Variants in EFNA5 observed in about 807,000 individuals in gnomAD.
EFNA5 encodes the protein ephrin-A5.
EFNA5 carries 5 observed loss-of-function variants against 22.9 expected under a neutral mutation model. The ratio of observed to expected loss-of-function variants is 0.22; its 90% confidence interval spans 0.11 to 0.46. The LOEUF (loss-of-function observed/expected upper bound fraction) is 0.46, where lower values mean the gene tolerates loss of function less well. Ranked by LOEUF, EFNA5 falls within the 20% of genes least tolerant of loss-of-function variation. EFNA5 has a pLI of 0.99. For synonymous variants in EFNA5, 113 were observed against 112.2 expected (o/e 1.01, Z -0.04); for missense variants, 237 against 293.3 (o/e 0.81, Z 1.40).
chr5:107,550,343 T>C (rs1222739271), intron 1 of EFNA5, among the ~76,000 whole-genome samples: 1 of 152,238 alleles, frequency 6.6e-6, no homozygotes, highest in East Asian at 1.9e-4. Context: ...TTGTCATTGA[T>C]ATAATCAATA....
chr5:107,465,502 C>A (rs904837852), intron 1 of EFNA5, among the ~76,000 whole-genome samples: 1 of 152,140 alleles, frequency 6.6e-6, no homozygotes, highest in Admixed American at 6.6e-5. Context: ...GGCTTTGCCT[C>A]TTAAAGCATG....
chr5:107,572,395 A>C (rs1272562527), intron 1 of EFNA5, among the ~76,000 whole-genome samples: 3 of 152,186 alleles, frequency 2.0e-5, no homozygotes, highest in Non-Finnish European at 4.4e-5. Context: ...CTCTGCAGTC[A>C]GATAAAATCC....
At chr5:107,607,630 G>C (rs1749751520) in intron 1 of EFNA5, among the ~76,000 whole-genome samples, 2 of 152,130 alleles carry the variant, frequency 1.3e-5, no homozygotes. Context: ...AGCTGAACTT[G>C]TATCTTTTCA....
chr5:107,538,320 C>T (rs1747968119), intron 1 of EFNA5, among the ~76,000 whole-genome samples: 1 of 152,170 alleles, frequency 6.6e-6, no homozygotes, highest in Admixed American at 6.5e-5. Flanking sequence ...TACTGAGGTA[C>T]TTACTGATGT....
At chr5:107,585,481 G>C (rs1442692373) in intron 1 of EFNA5, among the ~76,000 whole-genome samples, 1 of 152,184 alleles carries the variant, frequency 6.6e-6, no homozygotes, top group Admixed American at 6.5e-5. Flanking sequence ...CTCAGTGACA[G>C]TACTGATAAA....
intron 1 of EFNA5, among the ~76,000 whole-genome samples, chr5:107,598,167 C>T (rs1326334899): frequency 6.6e-6 from 1 of 152,100 alleles, no homozygotes; most frequent in East Asian, 1.9e-4. Context: ...ATGATAGGTG[C>T]TTCACATTCC....
chr5:107,665,810 C>T (rs778495503), intron 1 of EFNA5, among the ~76,000 whole-genome samples: 5 of 152,114 alleles, frequency 3.3e-5, no homozygotes, highest in African/African-American at 7.2e-5. Context: ...TTCTCTTTTA[C>T]AAATTTCTAG....
chr5:107,395,034 C>CTTTAGTTCTTTTTTTTTTTTTTT (rs1747883567), intron 2 of EFNA5, among the ~76,000 whole-genome samples: 1 of 86,142 alleles, frequency 1.2e-5, no homozygotes, highest in Non-Finnish European at 2.2e-5. Flanking sequence ...ATTTCTAGTT[C>CTTTAGTTCTTTTTTTTTTTTTTT]TTTTTTTTTT....
At chr5:107,526,544 C>CTGCCTTTCTAGAAATCATCTTTATATG (rs1747698857) in intron 1 of EFNA5, among the ~76,000 whole-genome samples, 1 of 152,212 alleles carries the variant, frequency 6.6e-6, no homozygotes, top group Non-Finnish European at 1.5e-5. Flanking sequence ...TATATGAGTT[C>CTGCCTTTCTAGAAATCATCTTTATATG]TGCCTTTCTA....
Position 107,378,148 on chromosome 5 carries a change from T to C in EFNA5, c.*3107A>G, listed in dbSNP as rs1044653506. 1 of 152,106 alleles carries C rather than the reference T, an allele frequency of 6.6e-6. No individual in the cohort carries two copies. Among genetic ancestry groups the C allele is most frequent in the Non-Finnish European group, 1.5e-5 (1 of 68,030 alleles). The allele number at this position is 152,106 out of a possible 1,614,324, so 9.4% of individuals were successfully genotyped here. A position where few individuals can be genotyped will look rare whatever the true frequency, so the allele number is the denominator to read the frequency against. ...TAATACTTTATTATCAAACACTATG[T>C]ACAACAGAGGTTGCTAATAATACAG... On this transcript the variant is annotated 3_prime_UTR_variant, in exon 5 of 5. Coordinates refer to ENST00000333274, the MANE Select transcript of EFNA5 (RefSeq NM_001962.3).
intron 1 of EFNA5, among the ~76,000 whole-genome samples, chr5:107,589,096 T>C (rs752085311): frequency 5.3e-5 from 8 of 152,196 alleles, no homozygotes; most frequent in Non-Finnish European, 1.2e-4. Context: ...AGACTTGCCA[T>C]TTCAAGTGGC....
intron 1 of EFNA5, among the ~76,000 whole-genome samples, chr5:107,590,744 G>T (rs774650063): frequency 6.6e-6 from 1 of 152,068 alleles, no homozygotes; most frequent in Non-Finnish European, 1.5e-5. Flanking sequence ...CATAAAGGAA[G>T]AATCTTACTT....
chr5:107,516,788 G>A (rs1747490833), intron 1 of EFNA5, among the ~76,000 whole-genome samples: 1 of 152,126 alleles, frequency 6.6e-6, no homozygotes, highest in African/African-American at 2.4e-5. Flanking sequence ...GTAGGCTTAG[G>A]AAACATTTCA....
At chr5:107,409,980 C>T (rs746544213) in intron 2 of EFNA5, among the ~76,000 whole-genome samples, 3 of 149,790 alleles carry the variant, frequency 2.0e-5, no homozygotes, top group Non-Finnish European at 3.0e-5. Flanking sequence ...GACTTAAAAC[C>T]GGTCTTGTAG....
intron 1 of EFNA5, among the ~76,000 whole-genome samples, chr5:107,489,239 T>C (rs1746731696): frequency 6.6e-6 from 1 of 152,142 alleles, no homozygotes; most frequent in African/African-American, 2.4e-5. Flanking sequence ...AGTAGGGCAA[T>C]CTTGGCTCAC....
intron 2 of EFNA5, among the ~76,000 whole-genome samples, chr5:107,403,324 G>A (rs1015651732): frequency 3.3e-5 from 5 of 152,306 alleles, no homozygotes; most frequent in Admixed American, 6.5e-5. Context: ...TATTATGTCT[G>A]CCAATGATTA....
chr5:107,514,718 C>T (rs1747440318), intron 1 of EFNA5, among the ~76,000 whole-genome samples: 1 of 152,118 alleles, frequency 6.6e-6, no homozygotes, highest in Non-Finnish European at 1.5e-5. Flanking sequence ...CCTCCAATGG[C>T]TTCCTGTCTC....
chr5:107,469,389 C>A (rs910780034), intron 1 of EFNA5, among the ~76,000 whole-genome samples: 1 of 125,394 alleles, frequency 8.0e-6, no homozygotes, highest in Non-Finnish European at 1.7e-5. Flanking sequence ...TTTCCTCTTT[C>A]TTTTATTTTT....
At position 107,380,690 on chromosome 5, in the gene EFNA5, C is replaced by A; in HGVS notation, c.*565G>T. The stretch of plus-strand genomic sequence containing the variant: ...TGTCTCAACCTTTTAGAAGCCTGTT[C>A]ATTTACATACTCCTATAGGAAATGG... On this transcript the variant is annotated 3_prime_UTR_variant, in exon 5 of 5. Transcript: ENST00000333274. The A allele has an allele frequency of 2.5e-6, 1 of 396,980 alleles. No homozygotes were observed. Among genetic ancestry groups the A allele is most frequent in the South Asian group, 1.3e-4 (1 of 7,804 alleles). 24.6% of individuals were successfully genotyped at this position (396,980 alleles called of 1,614,324 possible).
Sources: gnomAD v4.1 joint callset for allele counts (sites outside exome capture counted in the v4.1 genomes callset) on GRCh38, gnomAD v4.1.1 for gene constraint, MANE v1.5 for transcripts, NCBI Gene and HGNC (gene_info 2026-07-23, HGNC 2026-07-21) for gene names.